Variants in SHANK2 observed in about 807,000 individuals in gnomAD.
SHANK2 encodes SH3 and multiple ankyrin repeat domains protein 2.
In SHANK2, 43 loss-of-function variants were observed where a neutral mutation model predicts 133.7. The ratio of observed to expected loss-of-function variants is 0.32; its 90% confidence interval spans 0.25 to 0.41. SHANK2 has a LOEUF of 0.41. Among genes scored for constraint, SHANK2 ranks in the 10% least tolerant of loss-of-function variants. SHANK2 has a pLI of 1.00. For missense variants in SHANK2, 1,994 were observed against 2,235.8 expected, an observed-to-expected ratio of 0.89 and a Z score of 2.18; for synonymous variants, 1,017 against 952.8, an observed-to-expected ratio of 1.07 and a Z score of -1.24.
chr11:70,606,111 CT>C (rs1286888867), intron 17 of SHANK2, among the ~76,000 whole-genome samples: 9 of 152,244 alleles, frequency 5.9e-5, no homozygotes, highest in African/African-American at 2.2e-4. Context: ...AGGGGGGCAG[CT>C]GGAAGGTCAT....
intron 13 of SHANK2, among the ~76,000 whole-genome samples, chr11:70,799,740 C>A (rs868989079): frequency 6.6e-6 from 1 of 152,244 alleles, no homozygotes; most frequent in Non-Finnish European, 1.5e-5. Flanking sequence ...ACGGCCACCC[C>A]AGCCTACAGG....
intron 4 of SHANK2, 84 bp downstream of exon 4, chr11:71,118,745 G>A (rs1411821563): frequency 3.4e-6 from 4 of 1,192,566 alleles, no homozygotes; most frequent in South Asian, 1.7e-5. Context: ...AATTGGTCTC[G>A]CCCCACCACC....
chr11:70,831,999 C>A (rs1555058631), intron 11 of SHANK2, among the ~76,000 whole-genome samples: 1 of 152,230 alleles, frequency 6.6e-6, no homozygotes, highest in Non-Finnish European at 1.5e-5. Context: ...GGTGGAGCCA[C>A]CCGAGCTCGT....
At chr11:70,735,227 G>C (rs1156318043) in intron 14 of SHANK2, among the ~76,000 whole-genome samples, 1 of 152,222 alleles carries the variant, frequency 6.6e-6, no homozygotes. Context: ...GGCGCACCTT[G>C]TGAGTGTTCT....
chr11:70,951,810 C>T (rs2135899550), intron 10 of SHANK2, among the ~76,000 whole-genome samples: 1 of 152,338 alleles, frequency 6.6e-6, no homozygotes, highest in East Asian at 1.9e-4. Flanking sequence ...CTGCCTCTCC[C>T]AACTTCAAGG....
At chr11:70,846,761 G>C (rs1565357949) in intron 11 of SHANK2, among the ~76,000 whole-genome samples, 1 of 152,144 alleles carries the variant, frequency 6.6e-6, no homozygotes, top group African/African-American at 2.4e-5. Context: ...AGTGCTCCGA[G>C]GTCTATGTTC....
At chr11:70,724,176 C>T (rs1946129559) in intron 14 of SHANK2, among the ~76,000 whole-genome samples, 1 of 151,960 alleles carries the variant, frequency 6.6e-6, no homozygotes, top group African/African-American at 2.4e-5. Context: ...CCTGGGATTA[C>T]AGGTGCACAC....
At chr11:71,152,240 T>G (rs1439559234) in intron 2 of SHANK2, among the ~76,000 whole-genome samples, 1 of 152,110 alleles carries the variant, frequency 6.6e-6, no homozygotes, top group East Asian at 1.9e-4. Context: ...AGCCTCCCAA[T>G]TAGCTGGGAT....
chr11:70,944,145 A>G (rs1950686339), intron 10 of SHANK2, among the ~76,000 whole-genome samples: 1 of 152,218 alleles, frequency 6.6e-6, no homozygotes, highest in Non-Finnish European at 1.5e-5. Context: ...CTGCCTTTCT[A>G]TTTACATGTA....
chr11:70,621,770 G>A (rs1365148216), intron 17 of SHANK2, among the ~76,000 whole-genome samples: 1 of 152,168 alleles, frequency 6.6e-6, no homozygotes. Flanking sequence ...GGAGATACAT[G>A]GGGATGATCC....
chr11:70,799,436 A>T (rs1361957059), intron 13 of SHANK2, among the ~76,000 whole-genome samples: 1 of 152,152 alleles, frequency 6.6e-6, no homozygotes, highest in Non-Finnish European at 1.5e-5. Context: ...ATCACAGCAG[A>T]GGATGGGCGA....
chr11:70,660,374 A>G (rs1358496215), intron 16 of SHANK2, among the ~76,000 whole-genome samples: 1 of 152,230 alleles, frequency 6.6e-6, no homozygotes, highest in African/African-American at 2.4e-5. Flanking sequence ...CTCGCAACCA[A>G]GGGAATTCAA....
chr11:70,599,986 T>C (rs1182156747), intron 17 of SHANK2, among the ~76,000 whole-genome samples: 8 of 150,330 alleles, frequency 5.3e-5, no homozygotes, highest in Non-Finnish European at 8.9e-5. Flanking sequence ...TGTATCATGT[T>C]CTTGAACAGG....
At chr11:70,690,486 A>ATG (rs1945258216) in intron 15 of SHANK2, among the ~76,000 whole-genome samples, 2 of 38,782 alleles carry the variant, frequency 5.2e-5, no homozygotes, top group African/African-American at 8.7e-5. Context: ...AATACTTCCC[A>ATG]TGTTTTTTTT....
In SHANK2 at chr11:70,473,571, G is replaced by A. The variant is rs1437198916; in HGVS notation, c.4980-132C>T. The A allele has an allele frequency of 7.1e-6, 6 of 843,314 alleles. No homozygotes were observed. Among genetic ancestry groups the A allele is most frequent in the Non-Finnish European group, 1.2e-5 (6 of 514,636 alleles). 52.2% of individuals were successfully genotyped at this position (843,314 alleles called of 1,614,324 possible). The stretch of plus-strand genomic sequence containing the variant: ...GTGTCTAGTGGCAGATCCACTGGCA[G>A]TGAACGAATGATTTGCCATGCCAGG... On this transcript the variant is annotated intron_variant, in intron 25 of 25. Transcript: ENST00000601538. The surrounding 1 kb of genome is among the most constrained non-coding windows in gnomAD (Gnocchi z 5.9).
At chr11:70,851,196 CTTTCCT>C (rs11276986) in intron 11 of SHANK2, among the ~76,000 whole-genome samples, 108,183 of 151,178 alleles carry the variant, frequency 0.72, 38,883 homozygotes, top group South Asian at 0.85. Context: ...CAAGAACAGA[CTTTCCT>C]TCAGAAAAGA....
chr11:70,792,382 ACCAG>A (rs1591850561), intron 14 of SHANK2, among the ~76,000 whole-genome samples: 3 of 141,404 alleles, frequency 2.1e-5, no homozygotes, highest in South Asian at 2.4e-4. Context: ...CAACCAACCA[ACCAG>A]CCAACCAGCC....
Position 70,568,852 on chromosome 11 carries a change from C to T in SHANK2, c.2062-65921G>A, listed in dbSNP as rs1020412984. ...CCATGGCTAGACAGCCCCCTCCTTC[C>T]TTTCTGACAGAGGACTTGAGCCCTT... On this transcript the variant is annotated intron_variant, in intron 17 of 25. Coordinates refer to ENST00000601538, the MANE Select transcript of SHANK2 (RefSeq NM_012309.5). Among the ~76,000 whole-genome samples, 9 of 152,280 alleles carry T rather than the reference C, an allele frequency of 5.9e-5. 1 individual carries two copies. Among genetic ancestry groups the T allele is most frequent in the Admixed American group, 3.9e-4 (6 of 15,300 alleles).
At chr11:70,617,161 G>A (rs1392955952) in intron 17 of SHANK2, among the ~76,000 whole-genome samples, 1 of 151,702 alleles carries the variant, frequency 6.6e-6, no homozygotes, top group Non-Finnish European at 1.5e-5. Context: ...AAGGGTGTGT[G>A]AGCTGTCTGT....
Sources: gnomAD v4.1 joint callset for allele counts (sites outside exome capture counted in the v4.1 genomes callset) on GRCh38, gnomAD v4.1.1 for gene constraint, Gnocchi (gnomAD v3.1) non-coding constraint, MANE v1.5 for transcripts, NCBI Gene and HGNC (gene_info 2026-07-23, HGNC 2026-07-21) for gene names.